The following SEMA3C variants were observed in gnomAD, a reference collection of about 807,000 sequenced individuals.
SEMA3C encodes semaphorin 3C, also known as semaphorin-3C.
A neutral mutation model predicts 89.4 loss-of-function variants in SEMA3C; 47 were observed. That is an observed-to-expected ratio of 0.53 (90% CI 0.42 to 0.67). The LOEUF (loss-of-function observed/expected upper bound fraction) is 0.67. Among genes scored for constraint, SEMA3C ranks in the 30% least tolerant of loss-of-function variants. SEMA3C has a pLI of 0.00. For missense variants in SEMA3C, 839 were observed against 929.1 expected (o/e 0.90, Z 1.26); for synonymous variants, 310 against 320.2 (o/e 0.97, Z 0.34).
At chr7:80,826,093 GT>G (rs1562893093) in intron 4 of SEMA3C, among the ~76,000 whole-genome samples, 2 of 152,088 alleles carry the variant, frequency 1.3e-5, no homozygotes, top group African/African-American at 4.8e-5. Context: ...ACCCTCCAGA[GT>G]CTTCCATGGC....
intron 2 of SEMA3C, among the ~76,000 whole-genome samples, chr7:80,866,514 A>T (rs1488218731): frequency 6.6e-6 from 1 of 152,170 alleles, no homozygotes. Context: ...TAAAAAAAAG[A>T]AGTAATGTGT....
chr7:80,764,543 A>C (rs767834942), intron 13 of SEMA3C, among the ~76,000 whole-genome samples: 22 of 151,518 alleles, frequency 1.5e-4, no homozygotes, highest in Non-Finnish European at 2.2e-4. Context: ...ATCTTACAGT[A>C]CTGAACTTCC....
At chr7:80,851,303 G>A (rs764692702) in intron 2 of SEMA3C, among the ~76,000 whole-genome samples, 5 of 151,710 alleles carry the variant, frequency 3.3e-5, no homozygotes, top group African/African-American at 7.3e-5. Context: ...TCAGGAGATC[G>A]AGACCAGCCT....
intron 5 of SEMA3C, among the ~76,000 whole-genome samples, chr7:80,813,152 T>C (rs1256052846): frequency 2.2e-4 from 34 of 152,054 alleles, no homozygotes; most frequent in Admixed American, 2.2e-3. Context: ...TCAATAAATT[T>C]TGACACAACA....
intron 2 of SEMA3C, among the ~76,000 whole-genome samples, chr7:80,879,647 T>C (rs759777228): frequency 1.3e-5 from 2 of 152,226 alleles, no homozygotes; most frequent in African/African-American, 2.4e-5. Context: ...ATATTTAGTA[T>C]CTTATACTTA....
upstream of SEMA3C, among the ~76,000 whole-genome samples, chr7:80,920,649 A>G (rs1156381772): frequency 6.6e-6 from 1 of 152,210 alleles, no homozygotes; most frequent in Non-Finnish European, 1.5e-5. Flanking sequence ...CAGGGCTAAT[A>G]TTATCTCCAA....
At chr7:80,783,547 A>T (rs1788736338) in intron 12 of SEMA3C, among the ~76,000 whole-genome samples, 1 of 152,188 alleles carries the variant, frequency 6.6e-6, no homozygotes, top group Non-Finnish European at 1.5e-5. Flanking sequence ...ACATCCTCAG[A>T]GTGACATTCA....
intron 2 of SEMA3C, among the ~76,000 whole-genome samples, chr7:80,888,997 G>A (rs753184566): frequency 6.6e-6 from 1 of 151,974 alleles, no homozygotes; most frequent in Non-Finnish European, 1.5e-5. Flanking sequence ...CCGAGTAGCT[G>A]GGATTAGAGA....
intron 2 of SEMA3C, among the ~76,000 whole-genome samples, chr7:80,871,254 C>A (rs1320440657): frequency 2.0e-5 from 3 of 152,150 alleles, no homozygotes; most frequent in Admixed American, 6.5e-5. Flanking sequence ...GAAAGAAAAA[C>A]TAACTTTATT....
At chr7:80,865,690 G>A (rs1216940075) in intron 2 of SEMA3C, among the ~76,000 whole-genome samples, 1 of 152,108 alleles carries the variant, frequency 6.6e-6, no homozygotes, top group Non-Finnish European at 1.5e-5. Context: ...AGCTATTCGG[G>A]AGGCTGAGAC....
chr7:80,890,230 G>A (rs1791578947), intron 2 of SEMA3C, among the ~76,000 whole-genome samples: 1 of 152,018 alleles, frequency 6.6e-6, no homozygotes. Flanking sequence ...AAAAAAGACA[G>A]CTTGTTTTTA....
intron 11 of SEMA3C, among the ~76,000 whole-genome samples, chr7:80,792,705 C>T (rs1159398258): frequency 6.6e-6 from 1 of 152,094 alleles, no homozygotes; most frequent in African/African-American, 2.4e-5. Context: ...TTAATACTCC[C>T]ATGAATTTAT....
intron 15 of SEMA3C, among the ~76,000 whole-genome samples, chr7:80,758,092 G>T (rs2117046927): frequency 6.6e-6 from 1 of 152,316 alleles, no homozygotes; most frequent in South Asian, 2.1e-4. Flanking sequence ...GAGGAGCTTT[G>T]AAGGGAGAAA....
intron 4 of SEMA3C, among the ~76,000 whole-genome samples, chr7:80,821,607 G>A (rs976414152): frequency 6.6e-6 from 1 of 152,206 alleles, no homozygotes; most frequent in Non-Finnish European, 1.5e-5. Context: ...TTTTAGTAGA[G>A]ACGGGGTTTC....
intron 2 of SEMA3C, 146 bp downstream of exon 2, chr7:80,916,533 A>G: frequency 3.3e-6 from 2 of 603,688 alleles, no homozygotes; most frequent in Non-Finnish European, 2.7e-6. Context: ...CATTTAAAAT[A>G]GCTATTGTCC....
At chr7:80,795,025 A>G (rs940336171) in intron 11 of SEMA3C, among the ~76,000 whole-genome samples, 1 of 152,150 alleles carries the variant, frequency 6.6e-6, no homozygotes, top group Non-Finnish European at 1.5e-5. Context: ...ACACAGCCAT[A>G]TATTTATGGG....
Position 80,745,145 on chromosome 7 carries a change from C to G in SEMA3C, c.2005G>C (p.Val669Leu). 6.2e-7 allele frequency: 1 copy of G among 1,614,084 alleles called. No homozygotes were observed. The highest frequency in any genetic ancestry group is 8.5e-7 in the Non-Finnish European group (1 of 1,179,992). Residue 669 changes from valine to leucine, a missense_variant, in exon 18 of 18, where the codon GTT becomes CTT. Physicochemically the swap from Val to Leu is conservative, Grantham distance 32. Coordinates refer to ENST00000265361, the MANE Select transcript of SEMA3C (RefSeq NM_006379.5). Reference protein sequence around the residue: ...FKVLDSEMVAVVTDKWSPWTW... With the variant: ...FKVLDSEMVALVTDKWSPWTW... The stretch of plus-strand genomic sequence containing the variant: ...CATGGGGACCATTTGTCCGTCACAA[C>G]AGCCACCATTTCTGAATCTAAAACT...
chr7:80,915,396 G>A (rs1030523001), intron 2 of SEMA3C, among the ~76,000 whole-genome samples: 10 of 152,210 alleles, frequency 6.6e-5, no homozygotes, highest in African/African-American at 2.4e-4. Context: ...GACAACCTTG[G>A]GGAAAGCACT....
At position 80,745,081 on chromosome 7, in the gene SEMA3C, G is replaced by A. The variant is rs983903212; in HGVS notation, c.2069C>T (p.Pro690Leu). The A allele has an allele frequency of 8.1e-6, 13 of 1,614,014 alleles. 1 individual carries two copies. The highest frequency in any genetic ancestry group is 3.3e-4 in the Middle Eastern group (2 of 6,060). The stretch of plus-strand genomic sequence containing the variant: ...GCTGAATGCCCCCATGATGTCCTTC[G>A]GGTGGAAGGGTAAAGCCCTCACAGA... ...ASSVRALPFH[P>L]KDIMGAFSHS... is the part of the protein sequence containing the mutation. The change falls in exon 18 of 18, where the codon CCG becomes CTG. Residue 690 changes from proline to leucine, a missense_variant. By Grantham distance (98) the Pro-to-Leu change is moderately conservative. Coordinates refer to ENST00000265361, the MANE Select transcript of SEMA3C (RefSeq NM_006379.5).
Sources: allele counts gnomAD v4.1 joint callset (sites outside exome capture counted in the v4.1 genomes callset), GRCh38; gene constraint gnomAD v4.1.1; transcripts MANE v1.5; gene names NCBI Gene and HGNC (gene_info 2026-07-23, HGNC 2026-07-21).